Variants in AGBL1 observed in about 807,000 individuals in gnomAD.
AGBL1 encodes AGBL carboxypeptidase 1, also known as cytosolic carboxypeptidase 4.
Under a neutral mutation model 118.9 loss-of-function variants are expected in AGBL1, and 130 were observed. The observed-to-expected ratio is 1.09, with a 90% CI of 0.95 to 1.26. AGBL1 has a LOEUF of 1.26. AGBL1 is among the 50% of genes most tolerant of loss of function. The pLI, the probability that AGBL1 is intolerant of heterozygous loss-of-function variation, is 0.00. For missense variants in AGBL1, 1,584 were observed against 1,298.1 expected (o/e 1.22, Z -3.38); for synonymous variants, 555 against 478.9 (o/e 1.16, Z -2.08).
intron 21 of AGBL1, among the ~76,000 whole-genome samples, chr15:86,653,976 T>C (rs998243360): frequency 2.6e-5 from 4 of 152,106 alleles, no homozygotes; most frequent in African/African-American, 9.7e-5. Flanking sequence ...AGAATGTGAG[T>C]AGTTTGATAA....
intron 22 of AGBL1, among the ~76,000 whole-genome samples, chr15:86,854,404 A>G (rs2347248): frequency 0.76 from 116,249 of 152,008 alleles, 44,418 homozygotes; most frequent in Non-Finnish European, 0.78. Flanking sequence ...AGATGAGGTG[A>G]ACTGTGGTAT....
chr15:86,540,521 G>A (rs570350798), intron 19 of AGBL1, among the ~76,000 whole-genome samples: 3 of 152,172 alleles, frequency 2.0e-5, no homozygotes, highest in Admixed American at 2.0e-4. Flanking sequence ...CTTGAACCTG[G>A]GACATGGAGG....
chr15:86,124,662 T>A (rs1681357479), intron 1 of AGBL1, among the ~76,000 whole-genome samples: 1 of 152,216 alleles, frequency 6.6e-6, no homozygotes, highest in Non-Finnish European at 1.5e-5. Flanking sequence ...AATCAGCATG[T>A]TCCTCACAAA....
At chr15:86,260,976 G>A (rs2078972687) in intron 9 of AGBL1, among the ~76,000 whole-genome samples, 1 of 152,228 alleles carries the variant, frequency 6.6e-6, no homozygotes, top group African/African-American at 2.4e-5. Context: ...CCAGAACTTT[G>A]AAGGCAGAAA....
At chr15:86,418,364 T>G (rs79355151) in intron 18 of AGBL1, among the ~76,000 whole-genome samples, 110 of 152,314 alleles carry the variant, frequency 7.2e-4, no homozygotes, top group African/African-American at 2.6e-3. Flanking sequence ...AATTCCTCAC[T>G]GAAGGCCTGT....
At chr15:86,309,445 G>C (rs777294892) in intron 17 of AGBL1, among the ~76,000 whole-genome samples, 1 of 152,014 alleles carries the variant, frequency 6.6e-6, no homozygotes. Context: ...GTACTATATC[G>C]AATAGAAGTG....
rs114484149 is a variant in AGBL1 at position 86,636,377 on chromosome 15, A to G, written c.2995-37896A>G. Among the ~76,000 whole-genome samples, 171 of 152,118 alleles carry G rather than the reference A, an allele frequency of 1.1e-3. 1 individual carries two copies. The highest frequency in any genetic ancestry group is 3.8e-3 in the African/African-American group (157 of 41,522). On this transcript the variant is annotated intron_variant, in intron 21 of 22. Coordinates refer to ENST00000614907, the MANE Select transcript of AGBL1 (RefSeq NM_001386094.1). ...CCATTTTCACCGTTTCATCTGGACA[A>G]TTTTACAGGAGTAATGATTTCAGGA...
rs192082296 is a variant in AGBL1, at chr15:86,290,620, G to C, written c.2221-4635G>C. On this transcript the variant is annotated intron_variant, in intron 16 of 22. Transcript: ENST00000614907. Reference sequence around the variant, plus strand: ...ACCTGCTTCGGCCTCCCAGAGTGCTGGGATTACAGGTGTGAACCACTGCAC... The same window carrying C: ...ACCTGCTTCGGCCTCCCAGAGTGCTCGGATTACAGGTGTGAACCACTGCAC... Among the ~76,000 whole-genome samples the C allele has an allele frequency of 1.0e-3, 154 of 151,856 alleles. 1 individual carries two copies. The Middle Eastern group carries it at 0.014, about 14-fold the overall frequency.
At chr15:86,677,596 C>T (rs775606700) in intron 22 of AGBL1, among the ~76,000 whole-genome samples, 30 of 152,088 alleles carry the variant, frequency 2.0e-4, no homozygotes, top group Admixed American at 2.0e-4. Flanking sequence ...CTCAGCCGAG[C>T]CCCCCACCTC....
At chr15:86,879,980 A>T (rs7173459) in intron 22 of AGBL1, among the ~76,000 whole-genome samples, 2,214 of 152,258 alleles carry the variant, frequency 0.015, 59 homozygotes, top group African/African-American at 0.05. Flanking sequence ...GATGCAGGAG[A>T]TGCTTAAAAA....
At chr15:86,835,473 C>T (rs1039524034) in intron 22 of AGBL1, among the ~76,000 whole-genome samples, 25 of 152,128 alleles carry the variant, frequency 1.6e-4, no homozygotes, top group Non-Finnish European at 2.8e-4. Flanking sequence ...TGCCTTCTAG[C>T]GTGGCATAGA....
At chr15:86,925,720 C>CTTTTTTTTTTTTT (rs375125663) in intron 23 of AGBL1, among the ~76,000 whole-genome samples, 6 of 131,968 alleles carry the variant, frequency 4.5e-5, no homozygotes, top group Non-Finnish European at 6.5e-5. Context: ...TTTTTCTTTT[C>CTTTTTTTTTTTTT]TTTTTTTTTT....
At chr15:86,682,838 A>T (rs2085985616) in intron 22 of AGBL1, among the ~76,000 whole-genome samples, 1 of 152,180 alleles carries the variant, frequency 6.6e-6, no homozygotes, top group Non-Finnish European at 1.5e-5. Flanking sequence ...TGTGCTAAGC[A>T]TTTTATAAAT....
At chr15:86,788,550 C>T in intron 22 of AGBL1, among the ~76,000 whole-genome samples, 1 of 152,064 alleles carries the variant, frequency 6.6e-6, no homozygotes, top group East Asian at 1.9e-4. Context: ...AGGGATATAG[C>T]AGTGAACAAG....
intron 6 of AGBL1, among the ~76,000 whole-genome samples, chr15:86,237,697 A>C (rs2078575097): frequency 6.6e-6 from 1 of 152,192 alleles, no homozygotes; most frequent in African/African-American, 2.4e-5. Context: ...CTCCTATACA[A>C]ATTTCTAGGC....
rs181854285 is a variant in AGBL1, at chr15:86,758,497, C to T, written c.3158+84061C>T. Among the ~76,000 whole-genome samples, 22 of 152,152 alleles carry T rather than the reference C, an allele frequency of 1.4e-4. No homozygotes were observed. In the East Asian group the frequency reaches 2.7e-3, roughly 19 times the overall value. On this transcript the variant is annotated intron_variant, in intron 22 of 22. Transcript: ENST00000614907. ...ATTTCATTCACTGGATGATAAACCT[C>T]ATAATAATAGAGGCCAAGTCTGCTT...
chr15:86,758,026 C>G (rs1301980766), intron 22 of AGBL1, among the ~76,000 whole-genome samples: 1 of 152,080 alleles, frequency 6.6e-6, no homozygotes, highest in Admixed American at 6.6e-5. Flanking sequence ...AATCAATTAT[C>G]AGGGCCTTTG....
chr15:86,326,928 C>CTT (rs772129735), intron 17 of AGBL1, among the ~76,000 whole-genome samples: 8 of 138,594 alleles, frequency 5.8e-5, no homozygotes, highest in African/African-American at 1.3e-4. Flanking sequence ...TTTTCTTTTT[C>CTT]TTTTTTTTTT....
chr15:86,179,051 G>T (rs1013378491), intron 5 of AGBL1, among the ~76,000 whole-genome samples: 4 of 152,186 alleles, frequency 2.6e-5, no homozygotes, highest in African/African-American at 9.7e-5. Context: ...GGGCCACCTG[G>T]TGGTCTGGCC....
Sources: allele counts gnomAD v4.1 joint callset (sites outside exome capture counted in the v4.1 genomes callset), GRCh38; gene constraint gnomAD v4.1.1; transcripts MANE v1.5; gene names NCBI Gene and HGNC (gene_info 2026-07-23, HGNC 2026-07-21).